The following PDE1A variants were observed in gnomAD, a reference collection of about 807,000 sequenced individuals.
PDE1A encodes the protein phosphodiesterase 1A.
A neutral mutation model predicts 61.7 loss-of-function variants in PDE1A; 35 were observed. The observed-to-expected ratio is 0.57, with a 90% confidence interval of 0.43 to 0.75. The LOEUF is 0.75. Ranked by LOEUF, PDE1A falls within the 30% of genes least tolerant of loss-of-function variation. PDE1A has a pLI of 0.00. For missense variants in PDE1A, 597 were observed against 630.6 expected (o/e 0.95, Z 0.57); for synonymous variants, 232 against 213.2 (o/e 1.09, Z -0.77).
At position 182,394,740 on chromosome 2, in the gene PDE1A, T is replaced by C. The variant is rs559362574; in HGVS notation, c.53+31838A>G. On this transcript the variant is annotated intron_variant, in intron 1 of 13. Coordinates refer to ENST00000351439, the Ensembl canonical transcript of PDE1A. ...GTCATTTCCCCAGAGCCAGAATGCA[T>C]AATTGGCATAGACATACTTAGCTGC... 9.2e-5 allele frequency among the ~76,000 whole-genome samples: 14 copies of C among 152,340 alleles called. No homozygotes were observed. In the East Asian group the frequency reaches 2.7e-3, roughly 29 times the overall value.
the PDE1A span, among the ~76,000 whole-genome samples, chr2:182,532,453 G>A: frequency 6.6e-6 from 1 of 152,060 alleles, no homozygotes; most frequent in Admixed American, 6.5e-5. Flanking sequence ...GTATGATTCC[G>A]ATTATATGAA....
At chr2:182,425,814 C>T (rs1574629128) in intron 1 of PDE1A, among the ~76,000 whole-genome samples, 1 of 152,254 alleles carries the variant, frequency 6.6e-6, no homozygotes, top group Middle Eastern at 3.4e-3. Flanking sequence ...ATATAACTGA[C>T]TTTCTTAAAA....
chr2:182,200,068 C>T lies in PDE1A; in HGVS notation c.1125+1371G>A, dbSNP rs368729272. Among the ~76,000 whole-genome samples the T allele has an allele frequency of 6.4e-4, 97 of 152,162 alleles. 2 individuals carry two copies. The South Asian group carries it at 0.02, about 31-fold the overall frequency. Reference sequence around the variant, plus strand: ...TCAGAACAGGTATAAAATTAATGAACAAACTTTCAAAATAAAGAACAATAC... The same window carrying T: ...TCAGAACAGGTATAAAATTAATGAATAAACTTTCAAAATAAAGAACAATAC... On this transcript the variant is annotated intron_variant, in intron 10 of 13. Transcript: ENST00000351439.
intron 13 of PDE1A, among the ~76,000 whole-genome samples, chr2:182,152,412 C>CTTTTTTTTT (rs559392112): frequency 4.0e-5 from 3 of 75,292 alleles, no homozygotes; most frequent in Non-Finnish European, 7.3e-5. Flanking sequence ...TTTTTTTCCT[C>CTTTTTTTTT]TTTTTTTTTT....
At chr2:182,466,734 T>C (rs1686697285) in intron 2 of PDE1A, among the ~76,000 whole-genome samples, 1 of 152,016 alleles carries the variant, frequency 6.6e-6, no homozygotes, top group African/African-American at 2.4e-5. Flanking sequence ...GTGGGGGCTC[T>C]TGACTGAAGC....
Position 182,147,165 on chromosome 2 carries a change from G to C in PDE1A, c.1517-13C>G, listed in dbSNP as rs748825143. On this transcript the variant is annotated splice_polypyrimidine_tract_variant and intron_variant, in intron 13 of 13. Coordinates refer to the PDE1A transcript ENST00000409365. ...AGATCAGATTCACCTAAAAATATAAGGAAACAAAAGCAAAACAAAACAAAA... is the reference window on the plus strand; with the variant it reads ...AGATCAGATTCACCTAAAAATATAACGAAACAAAAGCAAAACAAAACAAAA... 6.7e-7 allele frequency: 1 copy of C among 1,502,360 alleles called. No homozygotes were observed. Among genetic ancestry groups the C allele is most frequent in the Admixed American group, 1.8e-5 (1 of 56,506 alleles). 93.1% of individuals were successfully genotyped at this position (1,502,360 alleles called of 1,614,324 possible).
intron 1 of PDE1A, among the ~76,000 whole-genome samples, chr2:182,306,520 C>A (rs554240319): frequency 6.6e-6 from 1 of 151,596 alleles, no homozygotes; most frequent in East Asian, 1.9e-4. Context: ...CAATATTGAG[C>A]AAAAAGAACA....
chr2:182,341,134 T>A (rs1267801333), intron 1 of PDE1A, among the ~76,000 whole-genome samples: 1 of 152,176 alleles, frequency 6.6e-6, no homozygotes, highest in Non-Finnish European at 1.5e-5. Flanking sequence ...CTTATAAACA[T>A]CAACACTTTC....
intron 1 of PDE1A, among the ~76,000 whole-genome samples, chr2:182,329,530 C>T (rs1338202371): frequency 1.3e-5 from 2 of 152,090 alleles, no homozygotes; most frequent in Admixed American, 6.5e-5. Context: ...GCTGGGATTA[C>T]AGGCACCCGC....
the PDE1A span, among the ~76,000 whole-genome samples, chr2:182,682,454 T>C: frequency 6.6e-6 from 1 of 152,136 alleles, no homozygotes; most frequent in South Asian, 2.1e-4. Context: ...GGGTCTGGTG[T>C]CTTATTTTCC....
At chr2:182,438,580 G>A (rs1263020609) in intron 2 of PDE1A, among the ~76,000 whole-genome samples, 1 of 151,872 alleles carries the variant, frequency 6.6e-6, no homozygotes, top group Non-Finnish European at 1.5e-5. Context: ...AAGTTCATCA[G>A]GGGAAAATTA....
intron 2 of PDE1A, among the ~76,000 whole-genome samples, chr2:182,497,861 T>TGAAACC (rs946961696): frequency 3.3e-5 from 5 of 151,264 alleles, no homozygotes; most frequent in African/African-American, 1.2e-4. Flanking sequence ...GCTAACACCT[T>TGAAACC]GAAACCCCGT....
chr2:182,684,895 A>T, the PDE1A span, among the ~76,000 whole-genome samples: 2 of 152,076 alleles, frequency 1.3e-5, no homozygotes, highest in African/African-American at 4.8e-5. Flanking sequence ...GGTGTCATTC[A>T]TATATACGTA....
chr2:182,260,153 C>T (rs1022834502), intron 2 of PDE1A, among the ~76,000 whole-genome samples: 3 of 152,126 alleles, frequency 2.0e-5, no homozygotes, highest in Non-Finnish European at 2.9e-5. Flanking sequence ...ATCATTAAGG[C>T]TCTGTATGTG....
At chr2:182,581,763 C>T in the PDE1A span, among the ~76,000 whole-genome samples, 2 of 152,108 alleles carry the variant, frequency 1.3e-5, no homozygotes, top group Non-Finnish European at 2.9e-5. Context: ...AGTGAAATAA[C>T]AGGGCTAGCA....
chr2:182,545,676 C>T, the PDE1A span, among the ~76,000 whole-genome samples: 1 of 152,170 alleles, frequency 6.6e-6, no homozygotes, highest in Non-Finnish European at 1.5e-5. Flanking sequence ...AGCTCTCTAA[C>T]TCACCTTATG....
intron 2 of PDE1A, among the ~76,000 whole-genome samples, chr2:182,508,740 A>ATTTTTTTTTTTTTTTTTT (rs200385458): frequency 7.2e-6 from 1 of 138,130 alleles, no homozygotes; most frequent in Non-Finnish European, 1.6e-5. Context: ...TTTTTTTTTT[A>ATTTTTTTTTTTTTTTTTT]TTTTTTTTTT....
intron 1 of PDE1A, among the ~76,000 whole-genome samples, chr2:182,292,326 C>A (rs1038680019): frequency 6.6e-6 from 1 of 151,912 alleles, no homozygotes; most frequent in Non-Finnish European, 1.5e-5. Flanking sequence ...TCTGAGAACC[C>A]AGTGTCTATA....
chr2:182,381,799 G>A (rs569572077), intron 1 of PDE1A, among the ~76,000 whole-genome samples: 67 of 151,738 alleles, frequency 4.4e-4, no homozygotes, highest in African/African-American at 1.3e-3. Flanking sequence ...GTGACAGAGC[G>A]AGACTCTGTC....
Sources: gnomAD v4.1 joint callset for allele counts (sites outside exome capture counted in the v4.1 genomes callset) on GRCh38, gnomAD v4.1.1 for gene constraint, MANE v1.5 for transcripts, NCBI Gene and HGNC (gene_info 2026-07-23, HGNC 2026-07-21) for gene names.